Variants in NKX6-1 observed in about 807,000 individuals in gnomAD.
NKX6-1 encodes NK6 homeobox 1.
In NKX6-1, 11 loss-of-function variants were observed where a neutral mutation model predicts 24.9. That is an observed-to-expected ratio of 0.44 (90% confidence interval 0.28 to 0.73). The LOEUF is 0.73. NKX6-1 is among the 30% of genes least tolerant of loss of function. The pLI is 0.15. For synonymous variants in NKX6-1, 277 were observed against 242.9 expected, an observed-to-expected ratio of 1.14 and a Z score of -1.31; for missense variants, 487 against 502.9, an observed-to-expected ratio of 0.97 and a Z score of 0.30.
chr4:84,499,180 T>G lies in NKX6-1; in HGVS notation c.-952A>C, dbSNP rs1022037208. On this transcript the variant is annotated 5_prime_UTR_variant, in exon 1 of 3. Coordinates refer to ENST00000295886, the MANE Select transcript of NKX6-1 (RefSeq NM_006168.3). The stretch of plus-strand genomic sequence containing the variant: ...CTTCGCGGCTTCCCAGGCTTCGGTC[T>G]TCTAAGTCCTGTCCTCTGGCCAAAC... Among the ~76,000 whole-genome samples, 1 of 152,138 alleles carries G rather than the reference T, an allele frequency of 6.6e-6. No homozygotes were observed. Among genetic ancestry groups the G allele is most frequent in the Non-Finnish European group, 1.5e-5 (1 of 68,028 alleles).
At position 84,494,386 on chromosome 4, in the gene NKX6-1, T is replaced by A. The variant is rs1017910068; in HGVS notation, c.844-837A>T. Among the ~76,000 whole-genome samples, 3 of 152,316 alleles carry A rather than the reference T, an allele frequency of 2.0e-5. No individual in the cohort carries two copies. The South Asian group carries it at 6.2e-4, about 32-fold the overall frequency. Reference sequence around the variant, plus strand: ...CTGCTCAAGACATTTAATACAAATATTTTTAAGCTTATTCATGATGTTTGA... The same window carrying A: ...CTGCTCAAGACATTTAATACAAATAATTTTAAGCTTATTCATGATGTTTGA... On this transcript the variant is annotated intron_variant, in intron 2 of 2. Coordinates refer to ENST00000295886, the MANE Select transcript of NKX6-1 (RefSeq NM_006168.3).
chr4:84,493,586 G>C lies in NKX6-1; in HGVS notation c.844-37C>G. 1 of 1,611,564 alleles carries C rather than the reference G, an allele frequency of 6.2e-7. No homozygotes were observed. ...GAAAAGGGAGGAGAGGGGAGGCAAG[G>C]GCGAGGAATTAAACGAGCAGATCCA... On this transcript the variant is annotated intron_variant, in intron 2 of 2. Transcript: ENST00000295886. The surrounding 1 kb of genome is among the most constrained non-coding windows in gnomAD (Gnocchi z 5.1).
Position 84,497,968 on chromosome 4 carries a change from C to A in NKX6-1, c.261G>T (p.Pro87=). 1 of 1,297,174 alleles carries A rather than the reference C, an allele frequency of 7.7e-7. No individual in the cohort carries two copies. Among genetic ancestry groups the A allele is most frequent in the Non-Finnish European group, 9.8e-7 (1 of 1,019,696 alleles). The allele number at this position is 1,297,174 out of a possible 1,614,324, so 80.4% of individuals were successfully genotyped here. Residue 87 remains proline, a synonymous_variant, in exon 1 of 3, where the codon CCG becomes CCT. Transcript: ENST00000295886. The surrounding 1 kb of genome is among the most constrained non-coding windows in gnomAD (Gnocchi z 4.8). ...TGGLSSLGSP[P]QQLSAATPHG... ...GTGGGGTGGCGGCCGAGAGCTGCTG[C>A]GGGGGGCTGCCGAGGGATGAGAGCC... is the stretch of plus-strand genomic sequence containing the variant.
Position 84,498,552 on chromosome 4 carries a change from A to G in NKX6-1, c.-324T>C. On this transcript the variant is annotated 5_prime_UTR_variant, in exon 1 of 3. An upstream open reading frame in the 5' UTR loses its in-frame stop. Transcript: ENST00000295886. ...TCTTCCTCACTTTTCCTAGCTGTTCAAAGTGCGCTACTTCTCATCTTCTGC... is the reference window on the plus strand; with the variant it reads ...TCTTCCTCACTTTTCCTAGCTGTTCGAAGTGCGCTACTTCTCATCTTCTGC... 3.2e-6 allele frequency: 1 copy of G among 317,342 alleles called. No individual in the cohort carries two copies. The highest frequency in any genetic ancestry group is 5.7e-6 in the Non-Finnish European group (1 of 174,532). The allele number at this position is 317,342 out of a possible 1,614,324, so 19.7% of individuals were successfully genotyped here. A position where few individuals can be genotyped will look rare whatever the true frequency, so the allele number is the denominator to read the frequency against.
chr4:84,498,198 G>A lies in NKX6-1; in HGVS notation c.31C>T (p.Arg11Trp), dbSNP rs1720869601. The A allele has an allele frequency of 7.7e-7, 1 of 1,297,344 alleles. No homozygotes were observed. The highest frequency in any genetic ancestry group is 2.2e-4 in the Middle Eastern group (1 of 4,476). The allele number at this position is 1,297,344 out of a possible 1,614,324, so 80.4% of individuals were successfully genotyped here. MLAVGAMEGT[R>W]QSAFLLSSPP... Reference sequence around the variant, plus strand: ...CTGCTGAGCAGGAATGCGCTCTGCCGGGTGCCCTCCATTGCCCCCACCGCT... The same window carrying A: ...CTGCTGAGCAGGAATGCGCTCTGCCAGGTGCCCTCCATTGCCCCCACCGCT... The change falls in exon 1 of 3, where the codon CGG becomes TGG. Residue 11 changes from arginine to tryptophan, a missense_variant. This residue lies in a region of NKX6-1 where 316 missense variants were observed against 311.4 expected (regional missense o/e 1.01). Coordinates refer to ENST00000295886, the MANE Select transcript of NKX6-1 (RefSeq NM_006168.3).
chr4:84,497,577 G>C lies in NKX6-1; in HGVS notation c.652C>G (p.Arg218Gly). Residue 218 changes from arginine to glycine, a missense_variant, in exon 1 of 3, where the codon CGC becomes GGC. This residue lies in a region of NKX6-1 where 316 missense variants were observed against 311.4 expected (regional missense o/e 1.01). Transcript: ENST00000295886. The surrounding 1 kb of genome is among the most constrained non-coding windows in gnomAD (Gnocchi z 4.8). ...VMQSPPWRDARLACTPHQGSI... is the reference protein window; with the variant it reads ...VMQSPPWRDAGLACTPHQGSI... ...TACTCACGAGGGGTACAGGCCAGGCGTGCGTCCCTCCAGGGCGGGCTCTGC... is the reference window on the plus strand; with the variant it reads ...TACTCACGAGGGGTACAGGCCAGGCCTGCGTCCCTCCAGGGCGGGCTCTGC... 7.9e-7 allele frequency: 1 copy of C among 1,266,156 alleles called. No homozygotes were observed. Among genetic ancestry groups the C allele is most frequent in the Non-Finnish European group, 1.0e-6 (1 of 999,728 alleles). The allele number at this position is 1,266,156 out of a possible 1,614,324, so 78.4% of individuals were successfully genotyped here.
At chr4:84,495,368 T>C (rs1478071514) in intron 2 of NKX6-1, among the ~76,000 whole-genome samples, 1 of 152,228 alleles carries the variant, frequency 6.6e-6, no homozygotes. Context: ...ATTTCAGTAA[T>C]GCCTTTATTC....
rs1430827646 is a variant in NKX6-1, at chr4:84,497,244, C to G, written c.670+315G>C. 6.6e-6 allele frequency among the ~76,000 whole-genome samples: 1 copy of G among 152,126 alleles called. No homozygotes were observed. ...GGTCCTGGCCAGGCCGTTTCAGGAACAGCCAGGGCCTCGGACGAGACACAC... is the reference window on the plus strand; with the variant it reads ...GGTCCTGGCCAGGCCGTTTCAGGAAGAGCCAGGGCCTCGGACGAGACACAC... On this transcript the variant is annotated intron_variant, in intron 1 of 2. Coordinates refer to ENST00000295886, the MANE Select transcript of NKX6-1 (RefSeq NM_006168.3). This position sits in a 1 kb window ranked among gnomAD's most constrained non-coding sequence, Gnocchi z 4.8.
rs549396541 is a variant in NKX6-1, at chr4:84,497,129, G to T, written c.670+430C>A. On this transcript the variant is annotated intron_variant, in intron 1 of 2. Transcript: ENST00000295886. This position sits in a 1 kb window ranked among gnomAD's most constrained non-coding sequence, Gnocchi z 4.8. ...TAGGCTGGCGAAGGCGGAATGGGGC[G>T]CTGGACGACAGGGAGGAGCCGGGAA... 6.6e-6 allele frequency among the ~76,000 whole-genome samples: 1 copy of T among 152,302 alleles called. No homozygotes were observed. Among genetic ancestry groups the T allele is most frequent in the East Asian group, 1.9e-4 (1 of 5,136 alleles).
rs1720834933 is a variant in NKX6-1, at chr4:84,497,090, GA to G, written c.670+468del. On this transcript the variant is annotated intron_variant, in intron 1 of 2. Coordinates refer to ENST00000295886, the MANE Select transcript of NKX6-1 (RefSeq NM_006168.3). The surrounding 1 kb of genome is among the most constrained non-coding windows in gnomAD (Gnocchi z 4.8). ...CGCTGCCGGGCCTCACTGCTTCGAA[GA>G]GAGGCAGCGGGTTAGGCTGGCGAAG... The G allele has an allele frequency of 6.4e-6, 1 of 155,360 alleles. No individual in the cohort carries two copies. Among genetic ancestry groups the G allele is most frequent in the Non-Finnish European group, 1.4e-5 (1 of 70,340 alleles). The allele number at this position is 155,360 out of a possible 1,614,324, so 9.6% of individuals were successfully genotyped here. A position where few individuals can be genotyped will look rare whatever the true frequency, so the allele number is the denominator to read the frequency against.
Position 84,495,854 on chromosome 4 carries a change from C to G in NKX6-1, c.671-10G>C, listed in dbSNP as rs772927298. On this transcript the variant is annotated splice_polypyrimidine_tract_variant and intron_variant, in intron 1 of 2. Transcript: ENST00000295886. ...AAAATGGATCCTTGATCTGTGAGAA[C>G]CAATAAACAACGAGAGAGGGGGAAA... The G allele has an allele frequency of 6.2e-6, 10 of 1,613,546 alleles. No homozygotes were observed. In the South Asian group the frequency reaches 8.8e-5, roughly 14 times the overall value.
Position 84,498,555 on chromosome 4 carries a change from G to A in NKX6-1, c.-327C>T, listed in dbSNP as rs2109988198. The A allele has an allele frequency of 6.4e-6, 2 of 312,792 alleles. No homozygotes were observed. Among genetic ancestry groups the A allele is most frequent in the South Asian group, 1.6e-4 (1 of 6,232 alleles). 19.4% of individuals were successfully genotyped at this position (312,792 alleles called of 1,614,324 possible). On this transcript the variant is annotated 5_prime_UTR_variant, in exon 1 of 3. Coordinates refer to ENST00000295886, the MANE Select transcript of NKX6-1 (RefSeq NM_006168.3). ...TCCTCACTTTTCCTAGCTGTTCAAA[G>A]TGCGCTACTTCTCATCTTCTGCCCC...
chr4:84,495,618 C>T (rs868334739), intron 2 of NKX6-1, 54 bp downstream of exon 2: 48 of 1,496,720 alleles, frequency 3.2e-5, no homozygotes, highest in Middle Eastern at 4.8e-4. Flanking sequence ...CATGTGTGCA[C>T]GCGCGCGCGA....
rs1000748481 is a variant in NKX6-1, at chr4:84,497,137, A to G, written c.670+422T>C. Among the ~76,000 whole-genome samples the G allele has an allele frequency of 3.9e-5, 6 of 152,168 alleles. No homozygotes were observed. Among genetic ancestry groups the G allele is most frequent in the Non-Finnish European group, 7.3e-5 (5 of 68,036 alleles). The stretch of plus-strand genomic sequence containing the variant: ...CGAAGGCGGAATGGGGCGCTGGACG[A>G]CAGGGAGGAGCCGGGAAAGCAGAGA... On this transcript the variant is annotated intron_variant, in intron 1 of 2. Coordinates refer to ENST00000295886, the MANE Select transcript of NKX6-1 (RefSeq NM_006168.3). This position sits in a 1 kb window ranked among gnomAD's most constrained non-coding sequence, Gnocchi z 4.8.
Position 84,497,640 on chromosome 4 carries a change from G to A in NKX6-1, c.589C>T (p.Leu197=). Residue 197 remains leucine (L), a synonymous_variant, in exon 1 of 3, where the codon CTG becomes TTG. Transcript: ENST00000295886. The surrounding 1 kb of genome is among the most constrained non-coding windows in gnomAD (Gnocchi z 4.8). ...VGRYPKPLAE[L]PGRTPIFWPG... ...CAGAAGATGGGCGTCCGGCCAGGCA[G>A]CTCAGCCAGCGGCTTGGGGTACCGG... 1 of 1,283,844 alleles carries A rather than the reference G, an allele frequency of 7.8e-7. No individual in the cohort carries two copies. The highest frequency in any genetic ancestry group is 9.9e-7 in the Non-Finnish European group (1 of 1,010,886). 79.5% of individuals were successfully genotyped at this position (1,283,844 alleles called of 1,614,324 possible).
chr4:84,498,400 G>A lies in NKX6-1; in HGVS notation c.-172C>T. On this transcript the variant is annotated 5_prime_UTR_variant, in exon 1 of 3. Coordinates refer to ENST00000295886, the MANE Select transcript of NKX6-1 (RefSeq NM_006168.3). ...GCCGCTGCCGGGAGTTGCTCGCCTAGCTGCGCAGCAGAGATGTCCAAACCC... is the reference window on the plus strand; with the variant it reads ...GCCGCTGCCGGGAGTTGCTCGCCTAACTGCGCAGCAGAGATGTCCAAACCC... 1.6e-6 allele frequency: 1 copy of A among 641,296 alleles called. No individual in the cohort carries two copies. The highest frequency in any genetic ancestry group is 4.3e-5 in the Admixed American group (1 of 22,992). The allele number at this position is 641,296 out of a possible 1,614,324, so 39.7% of individuals were successfully genotyped here. A position where few individuals can be genotyped will look rare whatever the true frequency, so the allele number is the denominator to read the frequency against.
In NKX6-1 at chr4:84,497,500, C is replaced by A; in HGVS notation, c.670+59G>T. The A allele has an allele frequency of 8.0e-7, 1 of 1,249,774 alleles. No homozygotes were observed. The allele number at this position is 1,249,774 out of a possible 1,614,324, so 77.4% of individuals were successfully genotyped here. On this transcript the variant is annotated intron_variant, in intron 1 of 2. Transcript: ENST00000295886. This position sits in a 1 kb window ranked among gnomAD's most constrained non-coding sequence, Gnocchi z 4.8. ...GGCATGCACACCAGGGGCCGCGACCCGGGAGTGGGCAGAACAGGCACGGCA... is the reference window on the plus strand; with the variant it reads ...GGCATGCACACCAGGGGCCGCGACCAGGGAGTGGGCAGAACAGGCACGGCA...
Position 84,498,121 on chromosome 4 carries a change from G to T in NKX6-1, c.108C>A (p.Tyr36Ter). Residue 36 changes from tyrosine to a stop codon, truncating the protein, a stop_gained, in exon 1 of 3, where the codon TAC becomes TAA. Transcript: ENST00000295886. LOFTEE classifies it high-confidence loss of function. Reference sequence around the variant, plus strand: ...CAGGCAGCGGGGGATACGCGGCAGGGTACAGCGGGGTCTTCATCTCGGCCA... The same window carrying T: ...CAGGCAGCGGGGGATACGCGGCAGGTTACAGCGGGGTCTTCATCTCGGCCA... ...HSMAEMKTPL[Y>*]PAAYPPLPAG... 7.8e-7 allele frequency: 1 copy of T among 1,286,978 alleles called. No individual in the cohort carries two copies. Among genetic ancestry groups the T allele is most frequent in the Non-Finnish European group, 9.8e-7 (1 of 1,017,686 alleles). The allele number at this position is 1,286,978 out of a possible 1,614,324, so 79.7% of individuals were successfully genotyped here. A position where few individuals can be genotyped will look rare whatever the true frequency, so the allele number is the denominator to read the frequency against.
chr4:84,498,279 GC>G lies in NKX6-1; in HGVS notation c.-52del, dbSNP rs768330241. 1.2e-5 allele frequency: 15 copies of G among 1,283,168 alleles called. No homozygotes were observed. Among genetic ancestry groups the G allele is most frequent in the East Asian group, 2.9e-5 (1 of 34,922 alleles). The allele number at this position is 1,283,168 out of a possible 1,614,324, so 79.5% of individuals were successfully genotyped here. A position where few individuals can be genotyped will look rare whatever the true frequency, so the allele number is the denominator to read the frequency against. ...CCTTGCAGCGAGGGCGCTGGCTGGT[GC>G]CCCCCGCGGGGCTCAGAGGAGCCGG... On this transcript the variant is annotated 5_prime_UTR_variant, in exon 1 of 3. Coordinates refer to ENST00000295886, the MANE Select transcript of NKX6-1 (RefSeq NM_006168.3).
Sources: allele counts gnomAD v4.1 joint callset (sites outside exome capture counted in the v4.1 genomes callset), GRCh38; gene constraint gnomAD v4.1.1; regional missense constraint gnomAD v4.1.1; non-coding constraint Gnocchi (gnomAD v3.1); transcripts MANE v1.5; gene names NCBI Gene and HGNC (gene_info 2026-07-23, HGNC 2026-07-21).